KIAA0825: variants seen among roughly 807,000 people sequenced by gnomAD.
The protein encoded by KIAA0825 is uncharacterized protein KIAA0825.
A neutral mutation model predicts 147.6 loss-of-function variants in KIAA0825; 119 were observed. That is an observed-to-expected ratio of 0.81 (90% CI 0.69 to 0.94). The LOEUF is 0.94. KIAA0825 is among the 40% of genes least tolerant of loss of function. The pLI is 0.00. For missense variants in KIAA0825, 1,381 were observed against 1,472.7 expected (o/e 0.94, Z 1.02); for synonymous variants, 470 against 518.1 (o/e 0.91, Z 1.26).
In KIAA0825 at chr5:94,500,580, T is replaced by C. The variant is rs143209654; in HGVS notation, c.971-15650A>G. ...ATGGTGAGGAGTTCTGGTTTATCCATGCGGTGTTTGGAGTGCCTGTGGAAT... is the reference window on the plus strand; with the variant it reads ...ATGGTGAGGAGTTCTGGTTTATCCACGCGGTGTTTGGAGTGCCTGTGGAAT... On this transcript the variant is annotated intron_variant, in intron 5 of 20. Coordinates refer to ENST00000682413, the MANE Select transcript of KIAA0825 (RefSeq NM_001145678.3). Among the ~76,000 whole-genome samples, 20 of 152,170 alleles carry C rather than the reference T, an allele frequency of 1.3e-4. No homozygotes were observed. The East Asian group carries it at 3.7e-3, about 28-fold the overall frequency.
intron 20 of KIAA0825, among the ~76,000 whole-genome samples, chr5:94,285,676 C>T (rs1490681678): frequency 6.6e-6 from 1 of 152,162 alleles, no homozygotes; most frequent in East Asian, 1.9e-4. Context: ...AGCAGGTTTA[C>T]ACTTCCTTGG....
At chr5:94,489,053 A>C (rs1391288977) in intron 5 of KIAA0825, among the ~76,000 whole-genome samples, 1 of 152,132 alleles carries the variant, frequency 6.6e-6, no homozygotes, top group African/African-American at 2.4e-5. Context: ...TCATTGTTAG[A>C]CCTTTTGCTG....
intron 20 of KIAA0825, among the ~76,000 whole-genome samples, chr5:94,252,056 C>T (rs1197285318): frequency 6.6e-6 from 1 of 151,952 alleles, no homozygotes; most frequent in Non-Finnish European, 1.5e-5. Flanking sequence ...ACTCTTCACA[C>T]AACATAGTAT....
At chr5:94,563,198 A>C (rs183372495) in intron 2 of KIAA0825, among the ~76,000 whole-genome samples, 1,591 of 142,740 alleles carry the variant, frequency 0.011, 16 homozygotes, top group Middle Eastern at 0.018. Flanking sequence ...AAAAAAACAA[A>C]AAAAAAAAAA....
chr5:94,319,545 C>A (rs1005872939), intron 20 of KIAA0825, among the ~76,000 whole-genome samples: 4 of 151,766 alleles, frequency 2.6e-5, no homozygotes, highest in African/African-American at 7.3e-5. Context: ...TCCCAGGTTT[C>A]CTCATCTCAA....
chr5:94,163,140 A>T (rs1048213917), intron 20 of KIAA0825, among the ~76,000 whole-genome samples: 4 of 152,178 alleles, frequency 2.6e-5, no homozygotes, highest in Non-Finnish European at 5.9e-5. Context: ...CAACCTTTTT[A>T]AAAATGAGAT....
At chr5:94,339,135 G>A (rs550407420) in intron 20 of KIAA0825, among the ~76,000 whole-genome samples, 2 of 152,084 alleles carry the variant, frequency 1.3e-5, no homozygotes, top group African/African-American at 2.4e-5. Context: ...TAAGCTGTTC[G>A]TAGATGTAGA....
intron 14 of KIAA0825, among the ~76,000 whole-genome samples, chr5:94,418,845 T>C (rs1753810544): frequency 6.6e-6 from 1 of 152,070 alleles, no homozygotes; most frequent in South Asian, 2.1e-4. Flanking sequence ...TACATATTTA[T>C]GCTTGCTGAG....
chr5:94,469,841 T>C (rs1761001632), intron 10 of KIAA0825, 120 bp downstream of exon 10: 4 of 757,388 alleles, frequency 5.3e-6, no homozygotes, highest in Non-Finnish European at 5.9e-6. Flanking sequence ...TTTAAAAATA[T>C]TATCCTAACA....
chr5:94,474,770 G>C (rs971072067), intron 7 of KIAA0825, among the ~76,000 whole-genome samples: 3 of 152,022 alleles, frequency 2.0e-5, no homozygotes, highest in Admixed American at 6.6e-5. Flanking sequence ...AAGCATCAGA[G>C]GGCCTAAAAC....
At chr5:94,343,155 T>C (rs1782609555) in intron 20 of KIAA0825, among the ~76,000 whole-genome samples, 1 of 152,216 alleles carries the variant, frequency 6.6e-6, no homozygotes, top group Non-Finnish European at 1.5e-5. Flanking sequence ...TGATATCTTA[T>C]GAAGGTATCA....
intron 20 of KIAA0825, among the ~76,000 whole-genome samples, chr5:94,246,965 G>A (rs1043958492): frequency 1.2e-4 from 19 of 152,164 alleles, no homozygotes; most frequent in Admixed American, 4.6e-4. Flanking sequence ...GAATTTGGTC[G>A]TTTCTCTTCT....
chr5:94,443,020 T>A (rs1328614535), intron 13 of KIAA0825, among the ~76,000 whole-genome samples: 2 of 152,130 alleles, frequency 1.3e-5, no homozygotes, highest in Admixed American at 1.3e-4. Flanking sequence ...CATTTGAATG[T>A]CACTTTATGC....
intron 16 of KIAA0825, among the ~76,000 whole-genome samples, chr5:94,400,018 G>C (rs1399590542): frequency 1.3e-5 from 2 of 151,972 alleles, no homozygotes; most frequent in Admixed American, 1.3e-4. Flanking sequence ...TCAAGATCAG[G>C]TTTTCATGGC....
At chr5:94,231,811 C>T (rs555321039) in intron 20 of KIAA0825, among the ~76,000 whole-genome samples, 1 of 152,160 alleles carries the variant, frequency 6.6e-6, no homozygotes, top group South Asian at 2.1e-4. Flanking sequence ...TTGGGACATC[C>T]ATTCCATGAA....
intron 20 of KIAA0825, among the ~76,000 whole-genome samples, chr5:94,235,911 G>C (rs1365121246): frequency 6.6e-6 from 1 of 152,150 alleles, no homozygotes; most frequent in East Asian, 1.9e-4. Context: ...TAAATCCACT[G>C]TTGAGACCTA....
chr5:94,234,776 C>T (rs1774948455), intron 20 of KIAA0825, among the ~76,000 whole-genome samples: 1 of 152,108 alleles, frequency 6.6e-6, no homozygotes, highest in African/African-American at 2.4e-5. Context: ...GGGATCCACC[C>T]CCATGATCCA....
At chr5:94,532,924 T>A (rs185853066) in intron 3 of KIAA0825, among the ~76,000 whole-genome samples, 1 of 151,738 alleles carries the variant, frequency 6.6e-6, no homozygotes, top group Admixed American at 6.6e-5. Flanking sequence ...TGAAAATTTT[T>A]AAGATACAAT....
At chr5:94,592,832 G>T in intron 1 of KIAA0825, 2 of 511,572 alleles carry the variant, frequency 3.9e-6, no homozygotes, top group South Asian at 3.9e-5. Flanking sequence ...AGAGCTATTT[G>T]TCCATTCTCC....
Sources: gnomAD v4.1 joint callset for allele counts (sites outside exome capture counted in the v4.1 genomes callset) on GRCh38, gnomAD v4.1.1 for gene constraint, MANE v1.5 for transcripts, NCBI Gene and HGNC (gene_info 2026-07-23, HGNC 2026-07-21) for gene names.